Variants in SAMD4B observed in about 807,000 individuals in gnomAD.
SAMD4B encodes the protein sterile alpha motif domain containing 4B.
A neutral mutation model predicts 74.5 loss-of-function variants in SAMD4B; 5 were observed. That is an observed-to-expected ratio of 0.07 (90% CI 0.04 to 0.14). SAMD4B has a LOEUF of 0.14. Among genes scored for constraint, SAMD4B ranks in the 10% least tolerant of loss-of-function variants. SAMD4B has a pLI of 1.00. For missense variants in SAMD4B, 608 were observed against 921.8 expected, an observed-to-expected ratio of 0.66 and a Z score of 4.41; for synonymous variants, 373 against 374.9, an observed-to-expected ratio of 1.00 and a Z score of 0.06.
intron 4 of SAMD4B, 21 bp downstream of exon 4, chr19:39,370,146 A>G: frequency 6.4e-7 from 1 of 1,557,256 alleles, no homozygotes; most frequent in African/African-American, 1.4e-5. Context: ...GGGGTGTCCC[A>G]GAAGGCCATG....
intron 3 of SAMD4B, among the ~76,000 whole-genome samples, chr19:39,362,993 C>A (rs985935536): frequency 6.6e-6 from 1 of 152,048 alleles, no homozygotes; most frequent in Non-Finnish European, 1.5e-5. Context: ...TCCCCTGTGT[C>A]CATGTGAGCA....
intron 9 of SAMD4B, among the ~76,000 whole-genome samples, chr19:39,379,665 G>C (rs1363002167): frequency 6.6e-5 from 10 of 152,060 alleles, no homozygotes; most frequent in Admixed American, 6.5e-4. Context: ...CCGCCTCCCA[G>C]GTTCAAGTGA....
Position 39,376,441 on chromosome 19 carries a change from G to T in SAMD4B, c.912G>T (p.Val304=), listed in dbSNP as rs1183291914. 6.2e-7 allele frequency: 1 copy of T among 1,611,116 alleles called. No individual in the cohort carries two copies. The highest frequency in any genetic ancestry group is 1.7e-5 in the Admixed American group (1 of 59,996). The change falls in exon 6 of 14, where the codon GTG becomes GTT. Residue 304 remains valine (V), a synonymous_variant. Coordinates refer to ENST00000610417, the MANE Select transcript of SAMD4B (RefSeq NM_001384574.2). ...FQEDGSGMKD[V]PSWLKSLRLH... ...ACTCTCCCTCCTTTGCCAAAGATGTGCCCTCATGGCTCAAGAGCCTCCGTT... is the reference window on the plus strand; with the variant it reads ...ACTCTCCCTCCTTTGCCAAAGATGTTCCCTCATGGCTCAAGAGCCTCCGTT...
Position 39,366,702 on chromosome 19 carries a change from G to T in SAMD4B, c.197-2953G>T, listed in dbSNP as rs73546101. 6.1e-3 allele frequency among the ~76,000 whole-genome samples: 928 copies of T among 152,270 alleles called. 8 individuals are homozygous for T. Among genetic ancestry groups the T allele is most frequent in the African/African-American group, 0.021 (883 of 41,538 alleles). On this transcript the variant is annotated intron_variant, in intron 3 of 13. Coordinates refer to ENST00000610417, the MANE Select transcript of SAMD4B (RefSeq NM_001384574.2). ...CTACAGACAGGGCATTTCTGAGTTT[G>T]TATGCAAGGCCAGGTGTCCATCCTT... is the stretch of plus-strand genomic sequence containing the variant.
At chr19:39,364,208 C>T (rs2076819038) in intron 3 of SAMD4B, among the ~76,000 whole-genome samples, 1 of 152,202 alleles carries the variant, frequency 6.6e-6, no homozygotes, top group Non-Finnish European at 1.5e-5. Flanking sequence ...AAGCTGTGTC[C>T]CTTAGCCCTG....
rs888037183 is a variant in SAMD4B at position 39,380,145 on chromosome 19, C to T, written c.1649+61C>T. On this transcript the variant is annotated intron_variant, in intron 10 of 13. Transcript: ENST00000610417. ...CATAGGCCTTTGCTGGTTAGCAGAT[C>T]GTGCTTAGAGGGGTGATTGTGTTCT... 9.8e-6 allele frequency: 13 copies of T among 1,322,144 alleles called. No individual in the cohort carries two copies. In the East Asian group the frequency reaches 1.6e-4, roughly 17 times the overall value. The allele number at this position is 1,322,144 out of a possible 1,614,324, so 81.9% of individuals were successfully genotyped here.
chr19:39,349,581 T>C (rs2075906492), intron 1 of SAMD4B, among the ~76,000 whole-genome samples: 1 of 151,846 alleles, frequency 6.6e-6, no homozygotes, highest in Admixed American at 6.6e-5. Flanking sequence ...AATGGTTGAT[T>C]CTTATAAGAG....
intron 3 of SAMD4B, among the ~76,000 whole-genome samples, chr19:39,367,814 A>G (rs1288514665): frequency 6.6e-6 from 1 of 150,488 alleles, no homozygotes; most frequent in African/African-American, 2.4e-5. Context: ...CAGTGCTAAT[A>G]AGGTCTTTGA....
intron 12 of SAMD4B, among the ~76,000 whole-genome samples, chr19:39,382,351 T>C (rs1404288845): frequency 1.3e-5 from 2 of 152,200 alleles, no homozygotes; most frequent in Admixed American, 1.3e-4. Context: ...CTGCACTGAT[T>C]GACTCCTCCC....
chr19:39,372,453 G>A (rs1568360294), intron 4 of SAMD4B, among the ~76,000 whole-genome samples: 1 of 152,162 alleles, frequency 6.6e-6, no homozygotes, highest in Non-Finnish European at 1.5e-5. Context: ...GGCGTTGAAG[G>A]ACAGGAGAAG....
chr19:39,383,447 G>C lies in SAMD4B; in HGVS notation c.2057-52G>C. 2 of 1,603,516 alleles carry C rather than the reference G, an allele frequency of 1.2e-6. No homozygotes were observed. Among genetic ancestry groups the C allele is most frequent in the East Asian group, 4.5e-5 (2 of 44,784 alleles). On this transcript the variant is annotated intron_variant, in intron 13 of 13. Coordinates refer to ENST00000610417, the MANE Select transcript of SAMD4B (RefSeq NM_001384574.2). This position sits in a 1 kb window ranked among gnomAD's most constrained non-coding sequence, Gnocchi z 4.1. ...ACAGGCTACCTGAGTGCCTTTTCTT[G>C]GGCCTCCCTCCAGCTCCTGATCTTC...
At chr19:39,376,581 G>T (rs1194184383) in intron 6 of SAMD4B, 35 bp downstream of exon 6, 2 of 1,595,230 alleles carry the variant, frequency 1.3e-6, no homozygotes, top group South Asian at 2.2e-5. Flanking sequence ...AGGTGCTGGG[G>T]GCAGCGCTAG....
At chr19:39,349,237 G>A (rs1280585734) in intron 1 of SAMD4B, among the ~76,000 whole-genome samples, 1 of 152,196 alleles carries the variant, frequency 6.6e-6, no homozygotes, top group Admixed American at 6.5e-5. Flanking sequence ...AAATGTCTCA[G>A]TTGTCCACAG....
At chr19:39,353,361 A>G (rs1050854970) in intron 1 of SAMD4B, among the ~76,000 whole-genome samples, 1 of 152,214 alleles carries the variant, frequency 6.6e-6, no homozygotes, top group Non-Finnish European at 1.5e-5. Context: ...AAAGTTATAT[A>G]AAGATAGTGT....
At chr19:39,359,298 A>G (rs2076514309) in intron 3 of SAMD4B, among the ~76,000 whole-genome samples, 1 of 152,212 alleles carries the variant, frequency 6.6e-6, no homozygotes, top group Non-Finnish European at 1.5e-5. Context: ...CACCAGTAGT[A>G]CTTAGTAATT....
intron 3 of SAMD4B, among the ~76,000 whole-genome samples, chr19:39,360,561 G>A (rs1203660754): frequency 1.3e-5 from 2 of 152,150 alleles, no homozygotes; most frequent in East Asian, 3.9e-4. Flanking sequence ...GGTAAATTCT[G>A]GTAGAGTCTT....
intron 1 of SAMD4B, among the ~76,000 whole-genome samples, chr19:39,348,861 G>C (rs1222634635): frequency 6.6e-6 from 1 of 152,148 alleles, no homozygotes; most frequent in Non-Finnish European, 1.5e-5. Context: ...ACAGAAAACA[G>C]GACTTGATGA....
chr19:39,360,729 T>C (rs1471404849), intron 3 of SAMD4B, among the ~76,000 whole-genome samples: 1 of 152,214 alleles, frequency 6.6e-6, no homozygotes, highest in African/African-American at 2.4e-5. Context: ...GAGCTGTTCA[T>C]ACTCTTGTTT....
intron 1 of SAMD4B, among the ~76,000 whole-genome samples, chr19:39,347,865 T>C (rs1403282723): frequency 1.3e-5 from 2 of 152,180 alleles, no homozygotes; most frequent in Admixed American, 1.3e-4. Context: ...TTCTAGGTAC[T>C]GGAGACAGAG....
Sources: allele counts gnomAD v4.1 joint callset (sites outside exome capture counted in the v4.1 genomes callset), GRCh38; gene constraint gnomAD v4.1.1; non-coding constraint Gnocchi (gnomAD v3.1); transcripts MANE v1.5; gene names NCBI Gene and HGNC (gene_info 2026-07-23, HGNC 2026-07-21).